PTPRN2: variants seen among roughly 807,000 people sequenced by gnomAD.
PTPRN2 encodes the protein receptor-type tyrosine-protein phosphatase N2.
Under a neutral mutation model 118.8 loss-of-function variants are expected in PTPRN2, and 74 were observed. The observed-to-expected ratio is 0.62, with a 90% CI of 0.52 to 0.76. The LOEUF is 0.76. Among genes scored for constraint, PTPRN2 ranks in the 30% least tolerant of loss-of-function variants. The pLI, the probability that PTPRN2 is intolerant of heterozygous loss-of-function variation, is 0.00. For synonymous variants in PTPRN2, 641 were observed against 608.0 expected, an observed-to-expected ratio of 1.05 and a Z score of -0.80; for missense variants, 1,481 against 1,394.4, an observed-to-expected ratio of 1.06 and a Z score of -0.99.
At chr7:157,945,176 G>A (rs1800393031) in intron 11 of PTPRN2, among the ~76,000 whole-genome samples, 1 of 152,150 alleles carries the variant, frequency 6.6e-6, no homozygotes, top group Admixed American at 6.5e-5. Context: ...AGTGCTGGGT[G>A]TTCAGGGCTG....
chr7:158,579,554 T>C (rs1031436646), intron 1 of PTPRN2, among the ~76,000 whole-genome samples: 2 of 152,218 alleles, frequency 1.3e-5, no homozygotes, highest in African/African-American at 4.8e-5. Flanking sequence ...ACTTCTAATA[T>C]GAGTGCAAGT....
At chr7:157,972,051 A>T (rs1243060472) in intron 11 of PTPRN2, among the ~76,000 whole-genome samples, 1 of 152,266 alleles carries the variant, frequency 6.6e-6, no homozygotes, top group Non-Finnish European at 1.5e-5. Flanking sequence ...TTCAATTTCC[A>T]GAGGGCAAAT....
intron 22 of PTPRN2, among the ~76,000 whole-genome samples, chr7:157,542,146 C>T (rs1456043406): frequency 1.3e-5 from 2 of 152,164 alleles, no homozygotes; most frequent in Non-Finnish European, 2.9e-5. Context: ...GGGCTCAGGT[C>T]GGGCTGTGCC....
chr7:158,372,122 C>A (rs1363471358), intron 2 of PTPRN2, among the ~76,000 whole-genome samples: 1 of 152,206 alleles, frequency 6.6e-6, no homozygotes, highest in African/African-American at 2.4e-5. Flanking sequence ...TTGCCCCGAG[C>A]CCCAGCAGCT....
At chr7:158,268,134 A>T (rs1319102102) in intron 3 of PTPRN2, among the ~76,000 whole-genome samples, 1 of 152,212 alleles carries the variant, frequency 6.6e-6, no homozygotes, top group African/African-American at 2.4e-5. Context: ...CAGCTCATTG[A>T]GCCGCCAGCT....
chr7:157,800,734 C>T (rs534344720), intron 12 of PTPRN2, among the ~76,000 whole-genome samples: 133 of 152,024 alleles, frequency 8.7e-4, no homozygotes, highest in African/African-American at 3.0e-3. Context: ...GGGCGGATCA[C>T]GAGGTCAGGA....
chr7:158,203,164 G>A (rs1826776092), intron 4 of PTPRN2, among the ~76,000 whole-genome samples: 1 of 148,694 alleles, frequency 6.7e-6, no homozygotes, highest in Non-Finnish European at 1.5e-5. Context: ...CCCAAGAGGT[G>A]GAGGCTGTAG....
chr7:158,495,131 T>A (rs778204757), intron 1 of PTPRN2, among the ~76,000 whole-genome samples: 4 of 152,048 alleles, frequency 2.6e-5, no homozygotes, highest in Non-Finnish European at 5.9e-5. Flanking sequence ...AGTGGCAGTC[T>A]CACCACCGTG....
At chr7:158,004,998 C>T (rs1805540822) in intron 11 of PTPRN2, among the ~76,000 whole-genome samples, 1 of 151,852 alleles carries the variant, frequency 6.6e-6, no homozygotes, top group Admixed American at 6.6e-5. Context: ...CCTTTCCTCA[C>T]AAGCCTCAGC....
chr7:157,772,366 GAC>G (rs1226502598), intron 12 of PTPRN2, among the ~76,000 whole-genome samples: 1 of 151,034 alleles, frequency 6.6e-6, no homozygotes, highest in Non-Finnish European at 1.5e-5. Context: ...CATACACACA[GAC>G]ACAGACACAC....
At chr7:158,177,840 A>T (rs1253037874) in intron 5 of PTPRN2, among the ~76,000 whole-genome samples, 5 of 152,244 alleles carry the variant, frequency 3.3e-5, no homozygotes, top group African/African-American at 9.6e-5. Flanking sequence ...ATACGTGTGT[A>T]AATCTTTGAA....
At chr7:157,890,007 C>T (rs1796707487) in intron 12 of PTPRN2, among the ~76,000 whole-genome samples, 1 of 152,054 alleles carries the variant, frequency 6.6e-6, no homozygotes, top group Admixed American at 6.5e-5. Context: ...TAAATGAAAT[C>T]ACAGAATTTG....
At chr7:158,508,917 CG>C (rs912372753) in intron 1 of PTPRN2, among the ~76,000 whole-genome samples, 5 of 149,706 alleles carry the variant, frequency 3.3e-5, no homozygotes, top group Non-Finnish European at 5.9e-5. Flanking sequence ...GGAGCAGGTG[CG>C]GAAGTGGCTC....
intron 11 of PTPRN2, among the ~76,000 whole-genome samples, chr7:158,080,841 T>G (rs1007151928): frequency 1.3e-5 from 2 of 152,184 alleles, no homozygotes; most frequent in African/African-American, 4.8e-5. Flanking sequence ...TACTTTGTGG[T>G]GTCTCTGCCC....
intron 13 of PTPRN2, among the ~76,000 whole-genome samples, chr7:157,678,740 C>T (rs1208573541): frequency 6.6e-6 from 1 of 152,072 alleles, no homozygotes; most frequent in Non-Finnish European, 1.5e-5. Flanking sequence ...CACAAGGAAA[C>T]CTGCTGGGTA....
At chr7:157,588,152 A>G (rs932218029) in intron 17 of PTPRN2, among the ~76,000 whole-genome samples, 5 of 152,202 alleles carry the variant, frequency 3.3e-5, no homozygotes, top group Non-Finnish European at 1.5e-5. Context: ...TCTGGTTTAG[A>G]AACAGCTGTT....
chr7:158,150,601 T>C (rs545521953), intron 6 of PTPRN2, among the ~76,000 whole-genome samples: 1 of 151,900 alleles, frequency 6.6e-6, no homozygotes, highest in Admixed American at 6.6e-5. Flanking sequence ...TGGAAAGACC[T>C]TTTCTCCTTA....
At chr7:158,266,705 G>A (rs958276628) in intron 3 of PTPRN2, among the ~76,000 whole-genome samples, 3 of 152,166 alleles carry the variant, frequency 2.0e-5, no homozygotes, top group African/African-American at 7.2e-5. Flanking sequence ...GCCACTTCCC[G>A]GCTTTAACCT....
At chr7:158,059,614 G>A (rs1400856378) in intron 11 of PTPRN2, among the ~76,000 whole-genome samples, 15 of 86,312 alleles carry the variant, frequency 1.7e-4, no homozygotes, top group African/African-American at 4.8e-4. Flanking sequence ...ATCTGCACAC[G>A]GTGACACATC....
Sources: gnomAD v4.1 joint callset for allele counts (sites outside exome capture counted in the v4.1 genomes callset) on GRCh38, gnomAD v4.1.1 for gene constraint, MANE v1.5 for transcripts, NCBI Gene and HGNC (gene_info 2026-07-23, HGNC 2026-07-21) for gene names.